The following CEMIP variants were observed in gnomAD, a reference collection of about 807,000 sequenced individuals.
CEMIP encodes cell migration inducing hyaluronidase 1.
Under a neutral mutation model 156.9 loss-of-function variants are expected in CEMIP, and 105 were observed. That is an observed-to-expected ratio of 0.67 (90% CI 0.57 to 0.79). CEMIP has a LOEUF of 0.79. Among genes scored for constraint, CEMIP ranks in the 30% least tolerant of loss-of-function variants. The pLI, the probability that CEMIP is intolerant of heterozygous loss-of-function variation, is 0.00. For synonymous variants in CEMIP, 676 were observed against 668.4 expected (o/e 1.01, Z -0.17); for missense variants, 1,457 against 1,769.4 (o/e 0.82, Z 3.17).
intron 1 of CEMIP, among the ~76,000 whole-genome samples, chr15:80,822,958 G>A (rs1447748576): frequency 6.6e-6 from 1 of 152,182 alleles, no homozygotes; most frequent in African/African-American, 2.4e-5. Context: ...GGGGCTGGGA[G>A]TCCAGGGGCC....
intron 25 of CEMIP, 61 bp from the exon 26 acceptor site, chr15:80,941,788 G>A (rs1901344862): frequency 6.8e-7 from 1 of 1,469,828 alleles, no homozygotes; most frequent in African/African-American, 1.4e-5. Context: ...TCGGTGGGTG[G>A]GAGGAGAAGA....
At chr15:80,798,184 A>G (rs1896280565) in intron 1 of CEMIP, among the ~76,000 whole-genome samples, 1 of 152,240 alleles carries the variant, frequency 6.6e-6, no homozygotes, top group Non-Finnish European at 1.5e-5. Flanking sequence ...TACTGAAGAT[A>G]GACACTATAG....
At chr15:80,802,498 G>A (rs763145201) in intron 1 of CEMIP, among the ~76,000 whole-genome samples, 15 of 152,194 alleles carry the variant, frequency 9.9e-5, no homozygotes, top group African/African-American at 3.1e-4. Flanking sequence ...CCACACACCC[G>A]GATGTTGACA....
In CEMIP at chr15:80,836,004, G is replaced by T. The variant is rs1244077575; in HGVS notation, c.-175-37534G>T. 2.0e-4 allele frequency among the ~76,000 whole-genome samples: 25 copies of T among 123,828 alleles called. 1 individual carries two copies. The Admixed American group carries it at 2.3e-3, about 11-fold the overall frequency. The allele number at this position is 123,828 out of a possible 152,430, so 81.2% of individuals were successfully genotyped here. On this transcript the variant is annotated intron_variant, in intron 1 of 29. Transcript: ENST00000394685. ...GTTGGGAAACATCAAAATAGGTCATGTGTAACTTGGTTTGCTCATAAAAAA... is the reference window on the plus strand; with the variant it reads ...GTTGGGAAACATCAAAATAGGTCATTTGTAACTTGGTTTGCTCATAAAAAA...
At chr15:80,844,269 G>A (rs1228343197) in intron 1 of CEMIP, among the ~76,000 whole-genome samples, 1 of 152,224 alleles carries the variant, frequency 6.6e-6, no homozygotes, top group Non-Finnish European at 1.5e-5. Context: ...AGCTGCAGCT[G>A]CCTCGGGGCC....
chr15:80,839,292 G>GTGTA (rs1355624341), intron 1 of CEMIP, among the ~76,000 whole-genome samples: 2 of 143,880 alleles, frequency 1.4e-5, no homozygotes, highest in Non-Finnish European at 3.0e-5. Context: ...GGCCGTGAGT[G>GTGTA]TGTGTGTGTG....
chr15:80,804,613 C>G (rs1169776829), intron 1 of CEMIP, among the ~76,000 whole-genome samples: 1 of 152,166 alleles, frequency 6.6e-6, no homozygotes, highest in Non-Finnish European at 1.5e-5. Flanking sequence ...CTCCAGATGT[C>G]CCAGGAGAGG....
chr15:80,899,809 T>G (rs895451853), intron 12 of CEMIP, among the ~76,000 whole-genome samples: 2 of 152,212 alleles, frequency 1.3e-5, no homozygotes, highest in Non-Finnish European at 2.9e-5. Flanking sequence ...CTAATGATTG[T>G]TAAACCCTTG....
chr15:80,822,129 G>C (rs898200666), intron 1 of CEMIP, among the ~76,000 whole-genome samples: 3 of 152,192 alleles, frequency 2.0e-5, no homozygotes, highest in Non-Finnish European at 4.4e-5. Flanking sequence ...AACTGGCTTC[G>C]ACAGAAGCTC....
rs114074259 is a variant in CEMIP, at chr15:80,804,107, A to G, written c.-176+24493A>G. Among the ~76,000 whole-genome samples the G allele has an allele frequency of 5.4e-3, 827 of 152,322 alleles. 10 individuals carry two copies. The highest frequency in any genetic ancestry group is 0.019 in the African/African-American group (805 of 41,564). On this transcript the variant is annotated intron_variant, in intron 1 of 29. Transcript: ENST00000394685. ...CTTGCGATACTTATTCACTTTCAAG[A>G]GAACAGCACCGGAAAGACCTGCCCC...
At chr15:80,905,661 C>T (rs1386573750) in intron 12 of CEMIP, among the ~76,000 whole-genome samples, 1 of 152,064 alleles carries the variant, frequency 6.6e-6, no homozygotes, top group Non-Finnish European at 1.5e-5. Flanking sequence ...GGAGGGGTAG[C>T]AGAACTGGAA....
chr15:80,910,309 G>A (rs1369498765), intron 14 of CEMIP, among the ~76,000 whole-genome samples: 1 of 152,216 alleles, frequency 6.6e-6, no homozygotes, highest in Non-Finnish European at 1.5e-5. Context: ...AAGACAGGTG[G>A]GTGGGCATTC....
At chr15:80,867,719 A>G (rs1898168154) in intron 1 of CEMIP, among the ~76,000 whole-genome samples, 1 of 152,160 alleles carries the variant, frequency 6.6e-6, no homozygotes, top group South Asian at 2.1e-4. Flanking sequence ...TTTATCTGTG[A>G]TCCAGAGGGG....
chr15:80,900,065 T>A (rs1174567480), intron 12 of CEMIP, among the ~76,000 whole-genome samples: 3 of 152,142 alleles, frequency 2.0e-5, no homozygotes, highest in Non-Finnish European at 4.4e-5. Context: ...GCTCGGGGTT[T>A]CTTGAGACCA....
At chr15:80,890,012 T>C (rs1309940095) in intron 10 of CEMIP, among the ~76,000 whole-genome samples, 1 of 152,206 alleles carries the variant, frequency 6.6e-6, no homozygotes, top group African/African-American at 2.4e-5. Flanking sequence ...TTGAGCTAAA[T>C]CAAAGCCAGC....
intron 1 of CEMIP, among the ~76,000 whole-genome samples, chr15:80,840,858 C>T (rs1005980745): frequency 5.9e-5 from 9 of 152,196 alleles, no homozygotes; most frequent in Admixed American, 5.2e-4. Flanking sequence ...GCCTTGTGGT[C>T]AAGAAATAGG....
intron 12 of CEMIP, among the ~76,000 whole-genome samples, chr15:80,904,962 G>A: frequency 6.6e-6 from 1 of 152,138 alleles, no homozygotes; most frequent in East Asian, 1.9e-4. Flanking sequence ...TCTTGAATAA[G>A]ATACTTCAAA....
intron 10 of CEMIP, among the ~76,000 whole-genome samples, chr15:80,892,962 G>T (rs1217023983): frequency 6.6e-6 from 1 of 152,196 alleles, no homozygotes; most frequent in African/African-American, 2.4e-5. Context: ...CAAAGTGGGT[G>T]GATCAATTGA....
chr15:80,949,177 G>T lies in CEMIP; in HGVS notation c.*253G>T. The T allele has an allele frequency of 1.9e-6, 1 of 538,372 alleles. No homozygotes were observed. 33.3% of individuals were successfully genotyped at this position (538,372 alleles called of 1,614,324 possible). A position where few individuals can be genotyped will look rare whatever the true frequency, so the allele number is the denominator to read the frequency against. Reference sequence around the variant, plus strand: ...AACATTCACTTTCCTGCAGCCTCTTGGGTGCTTCTCTCCTATCTGTGCCTC... The same window carrying T: ...AACATTCACTTTCCTGCAGCCTCTTTGGTGCTTCTCTCCTATCTGTGCCTC... On this transcript the variant is annotated 3_prime_UTR_variant, in exon 30 of 30. Coordinates refer to ENST00000394685, the MANE Select transcript of CEMIP (RefSeq NM_001293298.2).
Sources: allele counts gnomAD v4.1 joint callset (sites outside exome capture counted in the v4.1 genomes callset), GRCh38; gene constraint gnomAD v4.1.1; transcripts MANE v1.5; gene names NCBI Gene and HGNC (gene_info 2026-07-23, HGNC 2026-07-21).